Variants in SVIL observed in about 807,000 individuals in gnomAD.
SVIL encodes the protein archvillin.
In SVIL, 101 loss-of-function variants were observed where a neutral mutation model predicts 240.4. That is an observed-to-expected ratio of 0.42 (90% CI 0.36 to 0.50). SVIL has a LOEUF of 0.50. Ranked by LOEUF, SVIL falls within the 20% of genes least tolerant of loss-of-function variation. SVIL has a pLI of 0.01. For missense variants in SVIL, 2,512 were observed against 2,818.7 expected, an observed-to-expected ratio of 0.89 and a Z score of 2.46; for synonymous variants, 999 against 1,100.0, an observed-to-expected ratio of 0.91 and a Z score of 1.82.
intron 22 of SVIL, among the ~76,000 whole-genome samples, chr10:29,490,585 TAA>T (rs57898945): frequency 5.2e-5 from 4 of 76,228 alleles, no homozygotes; most frequent in African/African-American, 1.4e-4. Flanking sequence ...CCCCAGTCTT[TAA>T]AAAAAAAAAA....
intron 6 of SVIL, among the ~76,000 whole-genome samples, chr10:29,537,121 AAAAAT>A (rs1483416166): frequency 2.6e-5 from 4 of 152,096 alleles, no homozygotes; most frequent in East Asian, 1.9e-4. Flanking sequence ...TAAAATAAAT[AAAAAT>A]AAAATAAAAT....
chr10:29,561,308 G>A (rs990966301), intron 3 of SVIL, among the ~76,000 whole-genome samples: 3 of 152,040 alleles, frequency 2.0e-5, no homozygotes, highest in Non-Finnish European at 4.4e-5. Context: ...TATTACAGAT[G>A]AAGTTACCAT....
At position 29,539,196 on chromosome 10, in the gene SVIL, T is replaced by TAAAC. The variant is rs879554289; in HGVS notation, c.828-3131_828-3128dup. On this transcript the variant is annotated intron_variant, in intron 6 of 37. Transcript: ENST00000355867. ...ATAAATAAATAAATAAATAAATAAA[T>TAAAC]AAACAAACAAAGTATGTGAAGGCAT... 2.9e-3 allele frequency among the ~76,000 whole-genome samples: 445 copies of TAAAC among 151,036 alleles called. 3 individuals are homozygous for TAAAC. The highest frequency in any genetic ancestry group is 0.01 in the African/African-American group (417 of 40,978).
At chr10:29,696,517 T>C (rs1186152390) in intron 1 of SVIL, among the ~76,000 whole-genome samples, 1 of 147,962 alleles carries the variant, frequency 6.8e-6, no homozygotes, top group Non-Finnish European at 1.5e-5. Context: ...GAGCGCCTCG[T>C]CCCGGCCACC....
chr10:29,563,608 C>T (rs1275704118), intron 2 of SVIL, among the ~76,000 whole-genome samples: 2 of 152,118 alleles, frequency 1.3e-5, no homozygotes, highest in South Asian at 2.1e-4. Flanking sequence ...CTAAGAATAG[C>T]TGTGCAAGCT....
intron 1 of SVIL, among the ~76,000 whole-genome samples, chr10:29,705,254 G>T (rs1353591903): frequency 2.6e-5 from 4 of 152,102 alleles, no homozygotes; most frequent in Admixed American, 1.3e-4. Flanking sequence ...AAAGGATAAA[G>T]GTGTGTGTGG....
At chr10:29,505,652 T>C (rs950659790) in intron 17 of SVIL, among the ~76,000 whole-genome samples, 1 of 152,134 alleles carries the variant, frequency 6.6e-6, no homozygotes, top group Non-Finnish European at 1.5e-5. Context: ...ACACCAAAAG[T>C]AAATTTTAAC....
chr10:29,523,436 G>A lies in SVIL; in HGVS notation c.3163+15C>T. On this transcript the variant is annotated intron_variant, in intron 15 of 37. Transcript: ENST00000355867. The stretch of plus-strand genomic sequence containing the variant: ...CCAGTGGCTTTCTAAAGCTTTAGGG[G>A]CACTGGTCACTTACCTCTTAGTGAA... 3 of 1,575,812 alleles carry A rather than the reference G, an allele frequency of 1.9e-6. No homozygotes were observed. Among genetic ancestry groups the A allele is most frequent in the Non-Finnish European group, 2.6e-6 (3 of 1,161,058 alleles).
chr10:29,483,289 G>C (rs1322312335), intron 27 of SVIL: 1 of 152,226 alleles, frequency 6.6e-6, no homozygotes, highest in Non-Finnish European at 1.5e-5. Flanking sequence ...ACAAACCTGG[G>C]CCAGGAGCCA....
chr10:29,572,539 A>T (rs1564659446), intron 1 of SVIL, among the ~76,000 whole-genome samples: 1 of 152,240 alleles, frequency 6.6e-6, no homozygotes, highest in East Asian at 1.9e-4. Flanking sequence ...CCAAGGCAGG[A>T]GGATCACTTG....
At chr10:29,626,118 A>G (rs1589415293) in intron 1 of SVIL, among the ~76,000 whole-genome samples, 1 of 152,224 alleles carries the variant, frequency 6.6e-6, no homozygotes, top group East Asian at 1.9e-4. Flanking sequence ...CCTAAGGTAT[A>G]GCATGGTGAC....
intron 16 of SVIL, among the ~76,000 whole-genome samples, chr10:29,514,616 A>G (rs1950087880): frequency 6.6e-6 from 1 of 152,164 alleles, no homozygotes; most frequent in Non-Finnish European, 1.5e-5. Flanking sequence ...TCCTGGCCTC[A>G]AGCGATCCCC....
chr10:29,699,954 C>A (rs985915434), intron 1 of SVIL, among the ~76,000 whole-genome samples: 15 of 152,210 alleles, frequency 9.9e-5, no homozygotes, highest in African/African-American at 3.4e-4. Context: ...ATTTGAAAAG[C>A]TTACTCTACA....
intron 1 of SVIL, chr10:29,711,903 G>A (rs2132669903): frequency 6.6e-6 from 1 of 152,246 alleles, no homozygotes; most frequent in African/African-American, 2.4e-5. Context: ...AAGGCAGGTG[G>A]ATTACAGTAC....
intron 1 of SVIL, among the ~76,000 whole-genome samples, chr10:29,585,090 T>C (rs1328433668): frequency 1.3e-5 from 2 of 151,338 alleles, no homozygotes. Context: ...TTCTTCCTTT[T>C]TTTTTTTTTT....
intron 23 of SVIL, chr10:29,487,748 C>G (rs1306326958): frequency 1.3e-5 from 2 of 155,010 alleles, no homozygotes; most frequent in Non-Finnish European, 2.9e-5. Context: ...CCCTAGGGGC[C>G]TCTCAACAGG....
intron 12 of SVIL, 113 bp downstream of exon 12, chr10:29,529,592 G>A: frequency 7.8e-7 from 1 of 1,279,496 alleles, no homozygotes; most frequent in South Asian, 1.8e-5. Context: ...ACTTCTCTGT[G>A]GCTTCTAGCT....
intron 2 of SVIL, among the ~76,000 whole-genome samples, chr10:29,686,079 G>A (rs1310695910): frequency 2.0e-5 from 3 of 152,038 alleles, no homozygotes; most frequent in African/African-American, 7.2e-5. Context: ...ATTTAAATAT[G>A]GTTTATTTTT....
At chr10:29,631,836 G>A (rs1309088259) in intron 1 of SVIL, among the ~76,000 whole-genome samples, 10 of 152,248 alleles carry the variant, frequency 6.6e-5, no homozygotes, top group South Asian at 6.2e-4. Context: ...CAGAGGCCTC[G>A]GGGACCTAAA....
Sources: allele counts gnomAD v4.1 joint callset (sites outside exome capture counted in the v4.1 genomes callset), GRCh38; gene constraint gnomAD v4.1.1; transcripts MANE v1.5; gene names NCBI Gene and HGNC (gene_info 2026-07-23, HGNC 2026-07-21).